The following CIB3 variants were observed in gnomAD, a reference collection of about 807,000 sequenced individuals.
CIB3 encodes the protein calcium and integrin binding family member 3.
In CIB3, 22 loss-of-function variants were observed where a neutral mutation model predicts 23.4. That is an observed-to-expected ratio of 0.94 (90% CI 0.67 to 1.34). CIB3 has a LOEUF of 1.34. Ranked by LOEUF, CIB3 falls within the 40% of genes most tolerant of loss-of-function variation. The pLI, the probability that CIB3 is intolerant of heterozygous loss-of-function variation, is 0.00. For synonymous variants in CIB3, 93 were observed against 95.8 expected (o/e 0.97, Z 0.17); for missense variants, 258 against 247.3 (o/e 1.04, Z -0.29).
intron 2 of CIB3, 121 bp downstream of exon 2, chr19:16,173,041 T>C (rs1397955079): frequency 7.5e-5 from 59 of 784,098 alleles, no homozygotes; most frequent in African/African-American, 6.2e-4. Context: ...AAAGACTACT[T>C]ACACACACAC....
chr19:16,169,498 G>A, intron 3 of CIB3, 132 bp downstream of exon 3: 1 of 798,292 alleles, frequency 1.3e-6, no homozygotes, highest in Admixed American at 2.2e-5. Context: ...CCATGAACAA[G>A]TGTCTTAACC....
intron 5 of CIB3, 33 bp from the exon 6 acceptor site, chr19:16,161,519 C>T: frequency 1.2e-6 from 2 of 1,613,386 alleles, no homozygotes; most frequent in Non-Finnish European, 1.7e-6. Context: ...TCAAGGCCTT[C>T]AAGGAGTGGA....
In CIB3 at chr19:16,164,832, T is replaced by C. The variant is rs373745751; in HGVS notation, c.428A>G (p.Glu143Gly). 1 of 1,613,974 alleles carries C rather than the reference T, an allele frequency of 6.2e-7. No homozygotes were observed. Among genetic ancestry groups the C allele is most frequent in the Non-Finnish European group, 8.5e-7 (1 of 1,179,990 alleles). Reference protein sequence around the residue: ...TKLTRGGLSAEEVSLVCEKVL... With the variant: ...TKLTRGGLSAGEVSLVCEKVL... ...CTTCTCACATACCAGGCTCACCTCC[T>C]CGGCACTCAGCCCCCCCCGCGTCAG... The change falls in exon 5 of 6, where the codon GAG (glutamate) becomes GGG (glycine). Residue 143 changes from glutamate (E) to glycine (G), a missense_variant. Transcript: ENST00000269878.
At chr19:16,172,967 A>G (rs1316359306) in intron 2 of CIB3, among the ~76,000 whole-genome samples, 195 bp downstream of exon 2, 2 of 33,394 alleles carry the variant, frequency 6.0e-5, no homozygotes, top group Admixed American at 3.8e-4. Context: ...AAAAGAAAAG[A>G]AGGAAGGAAG....
At chr19:16,170,142 A>G (rs577445410) in intron 2 of CIB3, among the ~76,000 whole-genome samples, 119 of 152,152 alleles carry the variant, frequency 7.8e-4, no homozygotes, top group Non-Finnish European at 9.0e-4. Context: ...CTGCACACTG[A>G]GGTATACTGG....
chr19:16,170,864 C>T (rs2091325085), intron 2 of CIB3, among the ~76,000 whole-genome samples: 2 of 147,430 alleles, frequency 1.4e-5, no homozygotes, highest in South Asian at 2.2e-4. Context: ...AGAGGCCGGG[C>T]GCGGTGGCTC....
intron 1 of CIB3, 52 bp from the exon 2 acceptor site, chr19:16,173,248 C>T (rs1340688425): frequency 6.2e-7 from 1 of 1,613,114 alleles, no homozygotes; most frequent in East Asian, 2.2e-5. Flanking sequence ...GGGCCTCCTC[C>T]CACGGCCTCC....
At chr19:16,166,274 AGAGT>A in intron 4 of CIB3, among the ~76,000 whole-genome samples, 1 of 152,158 alleles carries the variant, frequency 6.6e-6, no homozygotes, top group East Asian at 1.9e-4. Flanking sequence ...CTGGGCGACA[AGAGT>A]GAGACGCTGT....
chr19:16,164,594 GAA>G (rs1409659291), intron 5 of CIB3, 122 bp downstream of exon 5: 8 of 963,836 alleles, frequency 8.3e-6, no homozygotes, highest in African/African-American at 1.6e-5. Flanking sequence ...GGGAAATTGA[GAA>G]AGTTTCCCAA....
intron 2 of CIB3, among the ~76,000 whole-genome samples, chr19:16,171,509 G>A (rs952490501): frequency 6.6e-6 from 1 of 152,100 alleles, no homozygotes; most frequent in Non-Finnish European, 1.5e-5. Context: ...GGTGGGGTGG[G>A]GAGACCTAGA....
At chr19:16,168,833 G>A (rs947210821) in intron 3 of CIB3, among the ~76,000 whole-genome samples, 2 of 152,118 alleles carry the variant, frequency 1.3e-5, no homozygotes, top group African/African-American at 4.8e-5. Flanking sequence ...CCTGCCTCTG[G>A]ATTTTTTTGT....
In CIB3 at chr19:16,168,559, C is replaced by G. The variant is rs150573102; in HGVS notation, c.199-275G>C. 4.8e-3 allele frequency among the ~76,000 whole-genome samples: 733 copies of G among 152,268 alleles called. 8 individuals are homozygous for G. The highest frequency in any genetic ancestry group is 0.016 in the African/African-American group (675 of 41,544). ...CCATTCACCTGGCAATAGTGATTGG[C>G]TCTGTGATGGGCATGTGACTCAAGC... On this transcript the variant is annotated intron_variant, in intron 3 of 5. Coordinates refer to ENST00000269878, the MANE Select transcript of CIB3 (RefSeq NM_054113.4).
At chr19:16,163,859 A>G (rs1351487584) in intron 5 of CIB3, among the ~76,000 whole-genome samples, 2 of 152,182 alleles carry the variant, frequency 1.3e-5, no homozygotes, top group East Asian at 1.9e-4. Context: ...ATGTACACAA[A>G]TGGGTGTGGC....
At position 16,164,896 on chromosome 19, in the gene CIB3, A is replaced by T. The variant is rs770740641; in HGVS notation, c.364T>A (p.Tyr122Asn). The change falls in exon 5 of 6, where the codon TAC (tyrosine) becomes AAC (asparagine). Residue 122 changes from tyrosine (Y) to asparagine (N), a missense_variant. By Grantham distance (143) the Tyr-to-Asn change is moderately radical. Transcript: ENST00000269878. ...FKIYDFNNDD[Y>N]ICAWDLEQTV... ...TGCTCCAGGTCCCACGCACAAATGT[A>T]GTCGTCGTTGTTAAAATCTGCAGAG... The T allele has an allele frequency of 6.2e-7, 1 of 1,614,034 alleles. No individual in the cohort carries two copies. The highest frequency in any genetic ancestry group is 1.7e-5 in the Admixed American group (1 of 59,986).
At chr19:16,172,375 A>G (rs976781547) in intron 2 of CIB3, among the ~76,000 whole-genome samples, 6 of 152,018 alleles carry the variant, frequency 3.9e-5, no homozygotes, top group African/African-American at 1.4e-4. Flanking sequence ...GGCTGATCTT[A>G]AACTCCTGAC....
Position 16,167,195 on chromosome 19 carries a change from TG to T in CIB3, c.346+941del, listed in dbSNP as rs200521714. On this transcript the variant is annotated intron_variant, in intron 4 of 5. Coordinates refer to ENST00000269878, the MANE Select transcript of CIB3 (RefSeq NM_054113.4). ...GAGATCGCGTCACTGCACTCCAGTC[TG>T]GGGGACAGAGCAAGACTTTGTCTCA... 9.7e-4 allele frequency among the ~76,000 whole-genome samples: 148 copies of T among 151,824 alleles called. 1 individual carries two copies. In the East Asian group the frequency reaches 0.027, roughly 28 times the overall value.
At chr19:16,169,251 C>A (rs2091317936) in intron 3 of CIB3, among the ~76,000 whole-genome samples, 1 of 152,192 alleles carries the variant, frequency 6.6e-6, no homozygotes, top group Non-Finnish European at 1.5e-5. Context: ...TCAAGCAATT[C>A]TCCTGCCTCA....
chr19:16,171,310 T>C (rs73928753), intron 2 of CIB3, among the ~76,000 whole-genome samples: 6,436 of 152,128 alleles, frequency 0.042, 485 homozygotes, highest in African/African-American at 0.15. Flanking sequence ...CCACACACAC[T>C]ATCCAGATTA....
intron 4 of CIB3, among the ~76,000 whole-genome samples, chr19:16,165,773 C>T (rs1365769527): frequency 1.3e-5 from 2 of 152,160 alleles, no homozygotes; most frequent in Admixed American, 1.3e-4. Flanking sequence ...GCATTGAGTG[C>T]CTGCTGTGTG....
Sources: allele counts gnomAD v4.1 joint callset (sites outside exome capture counted in the v4.1 genomes callset), GRCh38; gene constraint gnomAD v4.1.1; transcripts MANE v1.5; gene names NCBI Gene and HGNC (gene_info 2026-07-23, HGNC 2026-07-21).